PCDHGA3: variants seen among roughly 807,000 people sequenced by gnomAD.
PCDHGA3 encodes protocadherin gamma subfamily A, 3.
In PCDHGA3, 40 loss-of-function variants were observed where a neutral mutation model predicts 58.5. That is an observed-to-expected ratio of 0.68 (90% confidence interval 0.53 to 0.89). The LOEUF (loss-of-function observed/expected upper bound fraction) is 0.89, where lower values mean the gene tolerates loss of function less well. PCDHGA3 is among the 40% of genes least tolerant of loss of function. The pLI is 0.00. For missense variants in PCDHGA3, 1,223 were observed against 1,195.9 expected (o/e 1.02, Z -0.33); for synonymous variants, 530 against 525.7 (o/e 1.01, Z -0.11).
At chr5:141,366,104 G>A in intron 1 of PCDHGA3, 2 of 1,614,250 alleles carry the variant, frequency 1.2e-6, no homozygotes, top group Non-Finnish European at 1.7e-6. Flanking sequence ...GACCAAGGTG[G>A]TAGCGGTGGA....
intron 1 of PCDHGA3, among the ~76,000 whole-genome samples, chr5:141,474,773 G>T (rs1290099424): frequency 6.6e-6 from 1 of 152,182 alleles, no homozygotes; most frequent in East Asian, 1.9e-4. Flanking sequence ...ATAGTATGAG[G>T]CTCTAACACT....
chr5:141,435,890 A>G (rs2097784923), intron 1 of PCDHGA3, among the ~76,000 whole-genome samples: 1 of 152,176 alleles, frequency 6.6e-6, no homozygotes, highest in Non-Finnish European at 1.5e-5. Context: ...AACCCCTTAG[A>G]GAATGAAAGA....
intron 1 of PCDHGA3, chr5:141,403,578 A>G: frequency 6.2e-7 from 1 of 1,613,850 alleles, no homozygotes. Context: ...ACTGCCCACC[A>G]CCTGGTCCTC....
At position 141,489,314 on chromosome 5, in the gene PCDHGA3, G is replaced by C. The variant is rs374235290; in HGVS notation, c.2425-5493G>C. The stretch of plus-strand genomic sequence containing the variant: ...TGCATGTTGTCCTTGTGCTGCTGGG[G>C]CTGGGTGTCTGGGCAGCTTCGTTAC... On this transcript the variant is annotated intron_variant, in intron 1 of 3. Coordinates refer to ENST00000253812, the MANE Select transcript of PCDHGA3 (RefSeq NM_018916.4). This position sits in a 1 kb window ranked among gnomAD's most constrained non-coding sequence, Gnocchi z 4.5. 2 of 1,596,790 alleles carry C rather than the reference G, an allele frequency of 1.3e-6. No homozygotes were observed. The highest frequency in any genetic ancestry group is 2.2e-5 in the East Asian group (1 of 44,724).
chr5:141,344,123 G>C lies in PCDHGA3; in HGVS notation c.90G>C (p.Gln30His). 22 of 1,614,050 alleles carry C rather than the reference G, an allele frequency of 1.4e-5. No homozygotes were observed. The highest frequency in any genetic ancestry group is 1.8e-5 in the Non-Finnish European group (21 of 1,179,906). Reference sequence around the variant, plus strand: ...CGCTGTGCGAAACAGGATCCGGTCAGATCCGCTACTCGGTGTCTGAGGAGC... The same window carrying C: ...CGCTGTGCGAAACAGGATCCGGTCACATCCGCTACTCGGTGTCTGAGGAGC... ...LGTLCETGSG[Q>H]IRYSVSEELD... The change falls in exon 1 of 4, where the codon CAG becomes CAC. Residue 30 changes from glutamine (Q) to histidine (H), a missense_variant. Around this residue, in one of 3 missense-constraint regions of PCDHGA3, gnomAD observed 791 missense variants for 708.5 expected, o/e 1.12. Coordinates refer to ENST00000253812, the MANE Select transcript of PCDHGA3 (RefSeq NM_018916.4).
At chr5:141,482,530 C>CAAAAAA (rs3074545) in intron 1 of PCDHGA3, among the ~76,000 whole-genome samples, 68 of 76,370 alleles carry the variant, frequency 8.9e-4, no homozygotes, top group African/African-American at 1.2e-3. Context: ...GACAGACATG[C>CAAAAAA]AAAAAAAAAA....
At chr5:141,375,185 C>G in intron 1 of PCDHGA3, 1 of 1,613,948 alleles carries the variant, frequency 6.2e-7, no homozygotes, top group Non-Finnish European at 8.5e-7. Context: ...AGTAATCGCC[C>G]TTTTTCAAGT....
intron 1 of PCDHGA3, chr5:141,362,476 G>A (rs757587046): frequency 1.2e-6 from 2 of 1,614,028 alleles, no homozygotes; most frequent in East Asian, 2.2e-5. Context: ...GCAAGATCTC[G>A]TCTGTGACAA....
chr5:141,485,239 C>T lies in PCDHGA3; in HGVS notation c.2425-9568C>T. ...GGGCTACCCTTTTGTTCCTCTTTTA[C>T]CACCTGGGTTACGTTTGTGGGCAGA... On this transcript the variant is annotated intron_variant, in intron 1 of 3. Transcript: ENST00000253812. This position sits in a 1 kb window ranked among gnomAD's most constrained non-coding sequence, Gnocchi z 5.7. The T allele has an allele frequency of 6.2e-7, 1 of 1,614,140 alleles. No homozygotes were observed. Among genetic ancestry groups the T allele is most frequent in the South Asian group, 1.1e-5 (1 of 91,072 alleles).
At chr5:141,401,657 G>T (rs1398256315) in intron 1 of PCDHGA3, among the ~76,000 whole-genome samples, 3 of 152,204 alleles carry the variant, frequency 2.0e-5, no homozygotes, top group Non-Finnish European at 4.4e-5. Context: ...ATGACTGGAT[G>T]TTTTCTCAAC....
intron 1 of PCDHGA3, among the ~76,000 whole-genome samples, chr5:141,358,422 T>C (rs1760913862): frequency 6.6e-6 from 1 of 152,208 alleles, no homozygotes; most frequent in South Asian, 2.1e-4. Context: ...GAAAGGGTAT[T>C]TTCCATTATA....
At chr5:141,357,941 ACAC>A (rs1447440332) in intron 1 of PCDHGA3, among the ~76,000 whole-genome samples, 4 of 152,096 alleles carry the variant, frequency 2.6e-5, no homozygotes. Flanking sequence ...TGTAATCCTA[ACAC>A]TTTGGGAGTG....
chr5:141,382,954 C>T, intron 1 of PCDHGA3: 1 of 1,604,450 alleles, frequency 6.2e-7, no homozygotes, highest in East Asian at 2.2e-5. Flanking sequence ...GCTCTCCATC[C>T]TCCTGGGGAC....
chr5:141,376,072 C>G (rs755171325), intron 1 of PCDHGA3: 9 of 1,613,498 alleles, frequency 5.6e-6, no homozygotes, highest in Middle Eastern at 1.7e-4. Flanking sequence ...TCACCGTGGC[C>G]GTGGCCGACA....
chr5:141,511,003 G>T lies in PCDHGA3; in HGVS notation c.2629G>T (p.Ala877Ser), dbSNP rs114669158. ...GGGAGTMGLS[A>S]RYGPQFTLQH... The stretch of plus-strand genomic sequence containing the variant: ...GGGTGCCGGCACCATGGGATTGAGC[G>T]CCCGCTACGGACCCCAGTTCACCCT... Residue 877 changes from alanine to serine, a missense_variant, in exon 4 of 4, where the codon GCC (alanine) becomes TCC (serine). Coordinates refer to ENST00000253812, the MANE Select transcript of PCDHGA3 (RefSeq NM_018916.4). 2 of 1,614,032 alleles carry T rather than the reference G, an allele frequency of 1.2e-6. No individual in the cohort carries two copies. Among genetic ancestry groups the T allele is most frequent in the Non-Finnish European group, 1.7e-6 (2 of 1,180,020 alleles).
At chr5:141,427,856 C>T (rs1487451079) in intron 1 of PCDHGA3, 6 of 1,553,060 alleles carry the variant, frequency 3.9e-6, no homozygotes, top group Non-Finnish European at 5.3e-6. Flanking sequence ...AGCAGCTGTG[C>T]GCCTTCGAGC....
At chr5:141,360,215 G>C (rs777537456) in intron 1 of PCDHGA3, 30 of 1,613,432 alleles carry the variant, frequency 1.9e-5, no homozygotes, top group Non-Finnish European at 2.5e-5. Flanking sequence ...TTGTTCCCCG[G>C]GGCTCTCCCA....
chr5:141,398,689 G>A (rs6867460), intron 1 of PCDHGA3: 228,699 of 1,613,720 alleles, frequency 0.14, 18,438 homozygotes, highest in African/African-American at 0.32. Context: ...GAAACAGGAT[G>A]GTAGTAAATA....
At chr5:141,352,568 A>G in intron 1 of PCDHGA3, 1 of 1,613,966 alleles carries the variant, frequency 6.2e-7, no homozygotes, top group South Asian at 1.1e-5. Flanking sequence ...GACACCGGAA[A>G]TGGCTCCCCC....
Sources: gnomAD v4.1 joint callset for allele counts (sites outside exome capture counted in the v4.1 genomes callset) on GRCh38, gnomAD v4.1.1 for gene constraint, gnomAD v4.1.1 regional missense constraint, Gnocchi (gnomAD v3.1) non-coding constraint, MANE v1.5 for transcripts, NCBI Gene and HGNC (gene_info 2026-07-23, HGNC 2026-07-21) for gene names.